The following B3GALT1 variants were observed in gnomAD, a reference collection of about 807,000 sequenced individuals.
B3GALT1 encodes the protein beta-1,3-galactosyltransferase 1, also known as UDP-Gal:betaGlcNAc beta 1,3-galactosyltransferase, polypeptide 1.
In B3GALT1, 10 loss-of-function variants were observed where a neutral mutation model predicts 23.2. The ratio of observed to expected loss-of-function variants is 0.43; its 90% CI spans 0.27 to 0.73. The LOEUF (loss-of-function observed/expected upper bound fraction) is 0.73, where lower values mean the gene tolerates loss of function less well. Among genes scored for constraint, B3GALT1 ranks in the 30% least tolerant of loss-of-function variants. B3GALT1 has a pLI of 0.21. For synonymous variants in B3GALT1, 156 were observed against 141.5 expected, an observed-to-expected ratio of 1.10 and a Z score of -0.73; for missense variants, 299 against 405.4, an observed-to-expected ratio of 0.74 and a Z score of 2.25.
At chr2:167,816,271 C>T (rs1324992090) in intron 3 of B3GALT1, among the ~76,000 whole-genome samples, 3 of 152,170 alleles carry the variant, frequency 2.0e-5, no homozygotes, top group South Asian at 2.1e-4. Flanking sequence ...AAAGGACACC[C>T]TCCTTTCCTG....
At chr2:167,404,148 G>C (rs1390705577) in intron 1 of B3GALT1, among the ~76,000 whole-genome samples, 1 of 152,112 alleles carries the variant, frequency 6.6e-6, no homozygotes, top group Non-Finnish European at 1.5e-5. Flanking sequence ...CAGTGTTTGA[G>C]AGATCACATG....
In B3GALT1 at chr2:167,859,329, T is replaced by C. The variant is rs1464655610; in HGVS notation, c.-229-9482T>C. Among the ~76,000 whole-genome samples the C allele has an allele frequency of 3.9e-5, 6 of 152,306 alleles. 1 individual carries two copies. The South Asian group carries it at 1.0e-3, about 26-fold the overall frequency. On this transcript the variant is annotated intron_variant, in intron 4 of 4. Transcript: ENST00000392690. ...ATGATGAAATATCCTCATTTTCATT[T>C]TTCCCTGAGAGGATTGTAGTGATGT...
chr2:167,495,622 C>T (rs1299652579), intron 2 of B3GALT1, among the ~76,000 whole-genome samples: 3 of 152,130 alleles, frequency 2.0e-5, no homozygotes, highest in East Asian at 1.9e-4. Context: ...CGTGAGCCAC[C>T]GTGCCCGGCT....
chr2:167,404,838 A>T (rs1698249137), intron 1 of B3GALT1, among the ~76,000 whole-genome samples: 1 of 152,188 alleles, frequency 6.6e-6, no homozygotes, highest in Non-Finnish European at 1.5e-5. Flanking sequence ...AGAGTTTATG[A>T]TAATTAGGAT....
intron 2 of B3GALT1, among the ~76,000 whole-genome samples, chr2:167,639,790 T>A (rs1023328151): frequency 5.3e-5 from 8 of 152,088 alleles, no homozygotes; most frequent in Non-Finnish European, 1.0e-4. Flanking sequence ...CCATTGTTGA[T>A]CAAAAGAAAT....
chr2:167,308,531 T>C (rs536060327), intron 1 of B3GALT1, among the ~76,000 whole-genome samples: 1 of 152,172 alleles, frequency 6.6e-6, no homozygotes, highest in East Asian at 1.9e-4. Context: ...TAACATTCCA[T>C]GTGAAAATCC....
intron 2 of B3GALT1, among the ~76,000 whole-genome samples, chr2:167,502,005 A>G (rs1014422364): frequency 3.9e-5 from 6 of 152,188 alleles, no homozygotes; most frequent in African/African-American, 1.2e-4. Context: ...CATAACTTCT[A>G]CATCCTATTT....
intron 2 of B3GALT1, among the ~76,000 whole-genome samples, chr2:167,607,309 A>G (rs1384037475): frequency 6.6e-6 from 1 of 152,194 alleles, no homozygotes; most frequent in Non-Finnish European, 1.5e-5. Context: ...TTCAGTACAA[A>G]TATTCAGCAA....
At position 167,617,294 on chromosome 2, in the gene B3GALT1, A is replaced by C. The variant is rs143936038; in HGVS notation, c.-409-29615A>C. 2.7e-3 allele frequency among the ~76,000 whole-genome samples: 413 copies of C among 152,270 alleles called. 1 individual carries two copies. The highest frequency in any genetic ancestry group is 9.0e-3 in the African/African-American group (376 of 41,566). On this transcript the variant is annotated intron_variant, in intron 2 of 4. Transcript: ENST00000392690. Reference sequence around the variant, plus strand: ...TGAGTTTCCATCTTTTTATCTGAAAAGAACATCTGTTTCATAATTGTTCCA... The same window carrying C: ...TGAGTTTCCATCTTTTTATCTGAAACGAACATCTGTTTCATAATTGTTCCA...
chr2:167,787,069 G>A (rs1005908642), intron 3 of B3GALT1, among the ~76,000 whole-genome samples: 1 of 152,212 alleles, frequency 6.6e-6, no homozygotes, highest in Non-Finnish European at 1.5e-5. Context: ...TGGTCCGTCT[G>A]TATTTTGACC....
At chr2:167,670,710 A>G (rs1245987891) in intron 3 of B3GALT1, among the ~76,000 whole-genome samples, 1 of 152,228 alleles carries the variant, frequency 6.6e-6, no homozygotes, top group Non-Finnish European at 1.5e-5. Flanking sequence ...AGAAATCATG[A>G]AAAAGAACCA....
chr2:167,863,437 C>G (rs562879046), intron 4 of B3GALT1, among the ~76,000 whole-genome samples: 1 of 152,304 alleles, frequency 6.6e-6, no homozygotes, highest in African/African-American at 2.4e-5. Flanking sequence ...CCCGGAAGCT[C>G]AGATGATTTG....
At chr2:167,370,921 A>G (rs963747996) in intron 1 of B3GALT1, among the ~76,000 whole-genome samples, 1 of 152,174 alleles carries the variant, frequency 6.6e-6, no homozygotes, top group Non-Finnish European at 1.5e-5. Context: ...GCGAGACTCC[A>G]TCTTAAAAAC....
rs1164156942 is a variant in B3GALT1 at position 167,293,039 on chromosome 2, T to TTCGGCTGCCGCCGCGGCTGC, written c.-799_-780dup. 9.9e-5 allele frequency: 15 copies of TTCGGCTGCCGCCGCGGCTGC among 151,854 alleles called. No individual in the cohort carries two copies. Among genetic ancestry groups the TTCGGCTGCCGCCGCGGCTGC allele is most frequent in the African/African-American group, 3.6e-4 (15 of 41,512 alleles). 9.4% of individuals were successfully genotyped at this position (151,854 alleles called of 1,614,324 possible). Reference sequence around the variant, plus strand: ...GGGAAGCGCAGCCGGGCTCGGGTGCTTCGGCTGCCGCCGCGGCTGCTCGGC... The same window carrying TTCGGCTGCCGCCGCGGCTGC: ...GGGAAGCGCAGCCGGGCTCGGGTGCTTCGGCTGCCGCCGCGGCTGCTCGGCTGCCGCCGCGGCTGCTCGGC... On this transcript the variant is annotated 5_prime_UTR_variant, in exon 1 of 5. Coordinates refer to ENST00000392690, the MANE Select transcript of B3GALT1 (RefSeq NM_020981.4).
chr2:167,578,306 A>G (rs891967624), intron 2 of B3GALT1, among the ~76,000 whole-genome samples: 2 of 152,088 alleles, frequency 1.3e-5, no homozygotes, highest in Non-Finnish European at 2.9e-5. Context: ...CTTGTTAGTG[A>G]AAAGTTCTAG....
chr2:167,753,028 T>C (rs1687763484), intron 3 of B3GALT1, among the ~76,000 whole-genome samples: 1 of 152,146 alleles, frequency 6.6e-6, no homozygotes, highest in East Asian at 1.9e-4. Context: ...ACAGTGATTC[T>C]GGGAAATAAC....
chr2:167,629,730 A>T (rs1461909012), intron 2 of B3GALT1, among the ~76,000 whole-genome samples: 1 of 151,768 alleles, frequency 6.6e-6, no homozygotes, highest in African/African-American at 2.4e-5. Context: ...TTACTACAGA[A>T]ATAAAAATTT....
chr2:167,490,792 T>G (rs1188148765), intron 2 of B3GALT1, among the ~76,000 whole-genome samples: 3 of 152,314 alleles, frequency 2.0e-5, no homozygotes, highest in East Asian at 3.9e-4. Flanking sequence ...TTTTTATGCA[T>G]GTCTATGATT....
At chr2:167,520,628 G>A (rs1183570046) in intron 2 of B3GALT1, among the ~76,000 whole-genome samples, 1 of 152,192 alleles carries the variant, frequency 6.6e-6, no homozygotes, top group Non-Finnish European at 1.5e-5. Context: ...CTCTTGATTG[G>A]TTTGCTTTTG....
Sources: gnomAD v4.1 joint callset for allele counts (sites outside exome capture counted in the v4.1 genomes callset) on GRCh38, gnomAD v4.1.1 for gene constraint, MANE v1.5 for transcripts, NCBI Gene and HGNC (gene_info 2026-07-23, HGNC 2026-07-21) for gene names.